Variants in LRBA observed in about 807,000 individuals in gnomAD.
LRBA encodes lipopolysaccharide-responsive and beige-like anchor protein.
Under a neutral mutation model 330.0 loss-of-function variants are expected in LRBA, and 176 were observed. The ratio of observed to expected loss-of-function variants is 0.53; its 90% CI spans 0.47 to 0.60. LRBA has a LOEUF of 0.60. Ranked by LOEUF, LRBA falls within the 20% of genes least tolerant of loss-of-function variation. The pLI is 0.00. For missense variants in LRBA, 3,259 were observed against 3,444.8 expected (o/e 0.95, Z 1.35); for synonymous variants, 1,230 against 1,193.0 (o/e 1.03, Z -0.64).
Position 150,921,147 on chromosome 4 carries a change from G to T in LRBA, c.645+51C>A, listed in dbSNP as rs577140609. 28 of 1,233,390 alleles carry T rather than the reference G, an allele frequency of 2.3e-5. No homozygotes were observed. The South Asian group carries it at 2.9e-4, about 13-fold the overall frequency. 76.4% of individuals were successfully genotyped at this position (1,233,390 alleles called of 1,614,324 possible). On this transcript the variant is annotated intron_variant, in intron 5 of 56. Coordinates refer to ENST00000651943, the MANE Select transcript of LRBA (RefSeq NM_001364905.1). ...GTGTTCACAGGGCTGTACTTTCAGG[G>T]AGCAAAGGAAAGAAGAACTGGGAGT...
intron 36 of LRBA, among the ~76,000 whole-genome samples, chr4:150,696,100 T>TGTA (rs1484216844): frequency 2.0e-5 from 3 of 151,952 alleles, no homozygotes; most frequent in African/African-American, 7.3e-5. Context: ...CATGGTGGCA[T>TGTA]GCACCTGTAG....
chr4:150,418,981 G>C (rs1263597747), intron 46 of LRBA, among the ~76,000 whole-genome samples: 2 of 152,082 alleles, frequency 1.3e-5, no homozygotes, highest in Non-Finnish European at 2.9e-5. Flanking sequence ...TCCCCAGCCT[G>C]GGGGAAAGGA....
chr4:150,964,840 TA>T (rs974452725), intron 2 of LRBA, among the ~76,000 whole-genome samples: 4 of 151,896 alleles, frequency 2.6e-5, no homozygotes, highest in East Asian at 1.9e-4. Flanking sequence ...ATAAAAAAAT[TA>T]AAAAAAATGA....
chr4:150,724,051 C>T (rs1006210068), intron 36 of LRBA, among the ~76,000 whole-genome samples: 11 of 152,182 alleles, frequency 7.2e-5, no homozygotes, highest in Non-Finnish European at 1.5e-4. Context: ...AATAGAATAT[C>T]AGGAAAATTG....
At chr4:150,732,209 G>A (rs928667392) in intron 36 of LRBA, among the ~76,000 whole-genome samples, 1 of 151,432 alleles carries the variant, frequency 6.6e-6, no homozygotes, top group Non-Finnish European at 1.5e-5. Context: ...TTATTATTTT[G>A]CTAAATTTTA....
At chr4:150,842,927 G>A (rs1164880740) in intron 28 of LRBA, among the ~76,000 whole-genome samples, 1 of 152,072 alleles carries the variant, frequency 6.6e-6, no homozygotes, top group Admixed American at 6.5e-5. Context: ...GGGGTAGGGG[G>A]CATGGTTTCA....
chr4:150,661,900 A>G (rs550964926), intron 37 of LRBA, among the ~76,000 whole-genome samples: 33 of 152,256 alleles, frequency 2.2e-4, no homozygotes, highest in Admixed American at 6.5e-4. Flanking sequence ...GATTACAGGC[A>G]TGAGGCACCA....
At chr4:150,648,919 C>T (rs1340128917) in intron 37 of LRBA, among the ~76,000 whole-genome samples, 1 of 152,106 alleles carries the variant, frequency 6.6e-6, no homozygotes, top group Non-Finnish European at 1.5e-5. Flanking sequence ...TTAGTAATCA[C>T]TCACTCATTC....
rs2292207 is a variant in LRBA, at chr4:150,326,142, C to A, written c.7363-244G>T. Among the ~76,000 whole-genome samples the A allele has an allele frequency of 0.61, 92,443 of 152,010 alleles. 28,666 individuals carry two copies. Among genetic ancestry groups the A allele is most frequent in the Non-Finnish European group, 0.68 (46,501 of 67,978 alleles). Reference sequence around the variant, plus strand: ...TCTCATCTTGCTCAGTGATATGAAACAGAAACCAGCTATTACAATCAGAAA... The same window carrying A: ...TCTCATCTTGCTCAGTGATATGAAAAAGAAACCAGCTATTACAATCAGAAA... On this transcript the variant is annotated intron_variant, in intron 48 of 56. Coordinates refer to ENST00000651943, the MANE Select transcript of LRBA (RefSeq NM_001364905.1).
At chr4:150,690,917 A>G (rs1438304010) in intron 36 of LRBA, among the ~76,000 whole-genome samples, 11 of 144,880 alleles carry the variant, frequency 7.6e-5, no homozygotes. Flanking sequence ...CAAAATTTAA[A>G]ACACCTGGTC....
intron 42 of LRBA, among the ~76,000 whole-genome samples, chr4:150,476,530 A>C (rs988154030): frequency 6.6e-6 from 1 of 152,064 alleles, no homozygotes; most frequent in Non-Finnish European, 1.5e-5. Flanking sequence ...AGCCCCCTAC[A>C]CCACCACCAC....
intron 2 of LRBA, among the ~76,000 whole-genome samples, chr4:150,934,552 T>C (rs552557686): frequency 1.3e-4 from 20 of 152,286 alleles, no homozygotes; most frequent in Non-Finnish European, 2.9e-4. Context: ...GTGTCTTATA[T>C]CCTACAGAAA....
At chr4:150,658,514 T>C (rs1322428998) in intron 37 of LRBA, among the ~76,000 whole-genome samples, 8 of 38 alleles carry the variant, frequency 0.21, 1 homozygote, top group South Asian at 1. Flanking sequence ...AGTCTCCCTC[T>C]CCCTCTCCCT....
At chr4:150,306,431 C>T (rs1730366961) in intron 52 of LRBA, among the ~76,000 whole-genome samples, 1 of 152,118 alleles carries the variant, frequency 6.6e-6, no homozygotes, top group African/African-American at 2.4e-5. Context: ...AAATCACAGA[C>T]ACATATTTAC....
At position 150,869,088 on chromosome 4, in the gene LRBA, T is replaced by A. The variant is rs181320820; in HGVS notation, c.2450-783A>T. Among the ~76,000 whole-genome samples the A allele has an allele frequency of 1.2e-4, 19 of 152,214 alleles. No individual in the cohort carries two copies. In the East Asian group the frequency reaches 3.7e-3, roughly 30 times the overall value. ...GGCACCTGCCACCACGCCTAGCTAA[T>A]TTTTGTATTTTTAGTAGAGACAGCG... On this transcript the variant is annotated intron_variant, in intron 20 of 56. Coordinates refer to ENST00000651943, the MANE Select transcript of LRBA (RefSeq NM_001364905.1).
At chr4:150,719,543 T>C (rs1025521070) in intron 36 of LRBA, among the ~76,000 whole-genome samples, 5 of 151,954 alleles carry the variant, frequency 3.3e-5, no homozygotes, top group African/African-American at 4.8e-5. Context: ...ATGTAAGGAA[T>C]GTACCATAAA....
chr4:150,886,709 T>A (rs12647118), intron 17 of LRBA, among the ~76,000 whole-genome samples: 1 of 152,284 alleles, frequency 6.6e-6, no homozygotes, highest in Admixed American at 6.5e-5. Flanking sequence ...GGTTGTCTAT[T>A]TGCTAAACAA....
chr4:150,892,408 AC>A (rs1213363029), intron 17 of LRBA, among the ~76,000 whole-genome samples: 1 of 152,090 alleles, frequency 6.6e-6, no homozygotes, highest in Non-Finnish European at 1.5e-5. Context: ...AATAGGAGTA[AC>A]GTCATTGTAA....
chr4:150,267,117 T>A (rs1019423491), intron 56 of LRBA, among the ~76,000 whole-genome samples: 1 of 152,056 alleles, frequency 6.6e-6, no homozygotes, highest in Non-Finnish European at 1.5e-5. Context: ...AATACCCCAC[T>A]TTCAATAATG....
Sources: gnomAD v4.1 joint callset for allele counts (sites outside exome capture counted in the v4.1 genomes callset) on GRCh38, gnomAD v4.1.1 for gene constraint, MANE v1.5 for transcripts, NCBI Gene and HGNC (gene_info 2026-07-23, HGNC 2026-07-21) for gene names.